Variants in CHRM2 observed in about 807,000 individuals in gnomAD.
CHRM2 encodes cholinergic receptor muscarinic 2.
Under a neutral mutation model 25.0 loss-of-function variants are expected in CHRM2, and 8 were observed. That is an observed-to-expected ratio of 0.32 (90% CI 0.19 to 0.58). The LOEUF (loss-of-function observed/expected upper bound fraction) is 0.58. Ranked by LOEUF, CHRM2 falls within the 20% of genes least tolerant of loss-of-function variation. The pLI is 0.88. For synonymous variants in CHRM2, 202 were observed against 205.7 expected (o/e 0.98, Z 0.15); for missense variants, 440 against 567.1 (o/e 0.78, Z 2.28).
intron 2 of CHRM2, among the ~76,000 whole-genome samples, chr7:136,991,573 T>C (rs946732548): frequency 6.6e-6 from 1 of 152,120 alleles, no homozygotes; most frequent in Non-Finnish European, 1.5e-5. Context: ...TTGAGATAGG[T>C]ACCATATTGT....
At chr7:136,964,574 C>A (rs1801297313) in intron 2 of CHRM2, among the ~76,000 whole-genome samples, 1 of 152,136 alleles carries the variant, frequency 6.6e-6, no homozygotes, top group Admixed American at 6.6e-5. Context: ...GTCTAGTCTC[C>A]CAAAGGAAAT....
At chr7:136,971,678 A>G (rs1243966448) in intron 2 of CHRM2, among the ~76,000 whole-genome samples, 2 of 151,968 alleles carry the variant, frequency 1.3e-5, no homozygotes, top group African/African-American at 4.8e-5. Context: ...ACAGAAAAAT[A>G]TAGTTATAAA....
At chr7:137,000,697 A>G (rs1803973976) in intron 3 of CHRM2, among the ~76,000 whole-genome samples, 1 of 151,512 alleles carries the variant, frequency 6.6e-6, no homozygotes, top group Admixed American at 6.6e-5. Flanking sequence ...TTGCTTTACC[A>G]TCACATTATA....
At chr7:136,940,492 G>A (rs573068038) in intron 2 of CHRM2, among the ~76,000 whole-genome samples, 4 of 152,136 alleles carry the variant, frequency 2.6e-5, no homozygotes, top group Non-Finnish European at 5.9e-5. Context: ...GTCAATAGTA[G>A]TACATAACTT....
At chr7:136,953,386 G>A (rs961260853) in intron 2 of CHRM2, among the ~76,000 whole-genome samples, 2 of 152,020 alleles carry the variant, frequency 1.3e-5, no homozygotes, top group Non-Finnish European at 2.9e-5. Context: ...TTACCAAAAC[G>A]CTATTAAGTG....
intron 2 of CHRM2, among the ~76,000 whole-genome samples, chr7:136,911,512 A>G (rs1283229800): frequency 1.3e-5 from 2 of 151,926 alleles, no homozygotes; most frequent in African/African-American, 4.8e-5. Context: ...GCTTCTCACC[A>G]GCATGCTCGG....
chr7:136,956,319 C>A (rs1194938179), intron 2 of CHRM2, among the ~76,000 whole-genome samples: 1 of 152,012 alleles, frequency 6.6e-6, no homozygotes, highest in Non-Finnish European at 1.5e-5. Context: ...TTTATACATT[C>A]TTTTTAATGT....
At chr7:136,920,814 C>A (rs1206277852) in intron 2 of CHRM2, among the ~76,000 whole-genome samples, 1 of 152,130 alleles carries the variant, frequency 6.6e-6, no homozygotes, top group African/African-American at 2.4e-5. Flanking sequence ...TCAAATTCTT[C>A]ATCAGCTCAC....
chr7:136,877,218 G>T (rs779433372), intron 2 of CHRM2, among the ~76,000 whole-genome samples: 11 of 151,992 alleles, frequency 7.2e-5, no homozygotes, highest in Non-Finnish European at 1.6e-4. Flanking sequence ...TTTTTGATTT[G>T]TTAGGCAAAT....
At chr7:136,950,255 G>A (rs187094379) in intron 2 of CHRM2, among the ~76,000 whole-genome samples, 6 of 152,278 alleles carry the variant, frequency 3.9e-5, no homozygotes, top group Non-Finnish European at 7.3e-5. Context: ...TCAAGAAGAC[G>A]AAGTGCCCTC....
At chr7:136,872,197 G>A (rs1408744804) in intron 2 of CHRM2, among the ~76,000 whole-genome samples, 3 of 152,176 alleles carry the variant, frequency 2.0e-5, no homozygotes, top group Non-Finnish European at 2.9e-5. Flanking sequence ...AGGCATGTTT[G>A]TTTGTAGAAG....
chr7:136,893,983 C>G (rs1187257412), intron 2 of CHRM2, among the ~76,000 whole-genome samples: 2 of 152,198 alleles, frequency 1.3e-5, no homozygotes, highest in African/African-American at 4.8e-5. Flanking sequence ...GCTTCCTCTT[C>G]TCTTGGCTTT....
In CHRM2 at chr7:136,869,105, A is replaced by C. The variant is rs934638853; in HGVS notation, c.-283+113A>C. The stretch of plus-strand genomic sequence containing the variant: ...AGGTCACAGACTAGCCAAGTGGCTG[A>C]GACGAGTGTGGGGTGCGTGACTCTG... On this transcript the variant is annotated intron_variant, in intron 1 of 3. Coordinates refer to ENST00000680005, the MANE Select transcript of CHRM2 (RefSeq NM_001006630.2). The surrounding 1 kb of genome is among the most constrained non-coding windows in gnomAD (Gnocchi z 4.9). 1 of 152,228 alleles carries C rather than the reference A, an allele frequency of 6.6e-6. No homozygotes were observed. Among genetic ancestry groups the C allele is most frequent in the African/African-American group, 2.4e-5 (1 of 41,410 alleles). The allele number at this position is 152,228 out of a possible 1,614,324, so 9.4% of individuals were successfully genotyped here. A position where few individuals can be genotyped will look rare whatever the true frequency, so the allele number is the denominator to read the frequency against.
chr7:136,936,665 T>C (rs1314656991), intron 2 of CHRM2, among the ~76,000 whole-genome samples: 1 of 152,188 alleles, frequency 6.6e-6, no homozygotes, highest in South Asian at 2.1e-4. Flanking sequence ...AGACCTTAAG[T>C]ACAAGTATCA....
intron 2 of CHRM2, among the ~76,000 whole-genome samples, chr7:136,923,246 A>G (rs1798550711): frequency 6.7e-6 from 1 of 148,646 alleles, no homozygotes; most frequent in Non-Finnish European, 1.5e-5. Flanking sequence ...AAAAAATACA[A>G]CTGATACTTA....
chr7:136,910,166 A>G (rs1797764109), intron 2 of CHRM2, among the ~76,000 whole-genome samples: 2 of 151,878 alleles, frequency 1.3e-5, no homozygotes, highest in South Asian at 4.1e-4. Flanking sequence ...AGACAAAAAG[A>G]TGCCTGTTTA....
chr7:136,888,012 T>C (rs1406797626), intron 2 of CHRM2, among the ~76,000 whole-genome samples: 4 of 152,038 alleles, frequency 2.6e-5, no homozygotes, highest in African/African-American at 9.7e-5. Flanking sequence ...ATCCTGAGGG[T>C]TGAACATCAG....
chr7:136,892,496 T>C (rs1796729808), intron 2 of CHRM2, among the ~76,000 whole-genome samples: 1 of 152,082 alleles, frequency 6.6e-6, no homozygotes, highest in Non-Finnish European at 1.5e-5. Context: ...AGCAGAATGA[T>C]GTTGAGTCTA....
chr7:136,968,461 A>G (rs1321593894), intron 2 of CHRM2, among the ~76,000 whole-genome samples: 5 of 152,002 alleles, frequency 3.3e-5, no homozygotes, highest in African/African-American at 1.2e-4. Flanking sequence ...TCAAGAAAAC[A>G]GTACGGAGGT....
Sources: gnomAD v4.1 joint callset for allele counts (sites outside exome capture counted in the v4.1 genomes callset) on GRCh38, gnomAD v4.1.1 for gene constraint, Gnocchi (gnomAD v3.1) non-coding constraint, MANE v1.5 for transcripts, NCBI Gene and HGNC (gene_info 2026-07-23, HGNC 2026-07-21) for gene names.